The following CCDC57 variants were observed in gnomAD, a reference collection of about 807,000 sequenced individuals.
The protein encoded by CCDC57 is coiled-coil domain-containing protein 57.
CCDC57 carries 118 observed loss-of-function variants against 118.9 expected under a neutral mutation model. That is an observed-to-expected ratio of 0.99 (90% confidence interval 0.86 to 1.16). CCDC57 has a LOEUF of 1.16. Among genes scored for constraint, CCDC57 ranks in the 50% most tolerant of loss-of-function variants. The pLI is 0.00. For missense variants in CCDC57, 1,300 were observed against 1,320.7 expected, an observed-to-expected ratio of 0.98 and a Z score of 0.24; for synonymous variants, 527 against 532.9, an observed-to-expected ratio of 0.99 and a Z score of 0.15.
intron 3 of CCDC57, among the ~76,000 whole-genome samples, chr17:82,200,737 G>A (rs1223236920): frequency 3.9e-5 from 6 of 151,922 alleles, no homozygotes; most frequent in Admixed American, 1.3e-4. Flanking sequence ...AGGTTGCAGC[G>A]AGCCGAGATC....
chr17:82,151,123 A>T (rs1305854900), intron 16 of CCDC57, among the ~76,000 whole-genome samples: 42 of 88,560 alleles, frequency 4.7e-4, no homozygotes, highest in East Asian at 9.3e-4. Context: ...ACCCAGAACC[A>T]GGCGCACACC....
intron 1 of CCDC57, among the ~76,000 whole-genome samples, chr17:82,208,708 A>T (rs950877832): frequency 3.1e-4 from 47 of 151,114 alleles, no homozygotes; most frequent in East Asian, 1.2e-3. Flanking sequence ...TTTTTTTTTT[A>T]AATTTCTTGT....
chr17:82,103,141 A>C (rs978237330), intron 19 of CCDC57, among the ~76,000 whole-genome samples: 1 of 152,038 alleles, frequency 6.6e-6, no homozygotes, highest in Non-Finnish European at 1.5e-5. Flanking sequence ...GCAATGACGC[A>C]CTCTCAGCTG....
At chr17:82,167,380 TGCTCTTGTA>T (rs2044124223) in intron 13 of CCDC57, among the ~76,000 whole-genome samples, 1 of 114,064 alleles carries the variant, frequency 8.8e-6, no homozygotes, top group African/African-American at 3.1e-5. Context: ...GATGGATTTT[TGCTCTTGTA>T]GCCCAGGCTG....
At chr17:82,191,788 C>T (rs1375918148) in intron 7 of CCDC57, among the ~76,000 whole-genome samples, 1 of 152,072 alleles carries the variant, frequency 6.6e-6, no homozygotes, top group Non-Finnish European at 1.5e-5. Flanking sequence ...TGCCTCTACA[C>T]TCCAAGTAGC....
chr17:82,150,983 A>T (rs75332803), intron 16 of CCDC57, among the ~76,000 whole-genome samples: 1 of 44,922 alleles, frequency 2.2e-5, no homozygotes, highest in Non-Finnish European at 4.1e-5. Context: ...AGAACCAGGC[A>T]CACACCCAGA....
At position 82,171,583 on chromosome 17, in the gene CCDC57, C is replaced by T. The variant is rs1008145310; in HGVS notation, c.1882+118G>A. The T allele has an allele frequency of 1.2e-5, 13 of 1,104,588 alleles. No homozygotes were observed. In the African/African-American group the frequency reaches 1.4e-4, roughly 12 times the overall value. The allele number at this position is 1,104,588 out of a possible 1,614,324, so 68.4% of individuals were successfully genotyped here. A position where few individuals can be genotyped will look rare whatever the true frequency, so the allele number is the denominator to read the frequency against. On this transcript the variant is annotated intron_variant, in intron 13 of 19. Transcript: ENST00000665763. ...CACAAGGGGCTGCTGGGCTGGATGA[C>T]GCCGCCCCAACGTCTGCAGTAGCCT...
exon 14 of CCDC57, chr17:82,163,254 C>G (rs762091256): frequency 6.2e-7 from 1 of 1,614,086 alleles, no homozygotes; most frequent in East Asian, 2.2e-5. Context: ...TGTCCCCGAG[C>G]TTCCTGAGTG....
rs2047172279 is a variant in CCDC57 at position 82,187,898 on chromosome 17, TTAC to T, written c.1052+318_1052+320del. On this transcript the variant is annotated intron_variant, in intron 8 of 19. Coordinates refer to ENST00000665763, the Ensembl canonical transcript of CCDC57. ...TCTGGAGATGACAGTGGTGATGGTT[TTAC>T]AACAACGTGAATGTGCCTAATGCCA... Among the ~76,000 whole-genome samples the T allele has an allele frequency of 2.0e-5, 3 of 151,878 alleles. No individual in the cohort carries two copies. In the South Asian group the frequency reaches 6.2e-4, roughly 32 times the overall value.
rs768667771 is a variant in CCDC57 at position 82,163,247 on chromosome 17, C to T, written c.1993G>A (p.Asp665Asn). The T allele has an allele frequency of 1.9e-5, 31 of 1,613,934 alleles. No individual in the cohort carries two copies. The Middle Eastern group carries it at 4.9e-4, about 26-fold the overall frequency. Residue 665 changes from aspartate to asparagine, a missense_variant, in exon 14 of 20, where the codon GAC becomes AAC. Coordinates refer to ENST00000665763, the Ensembl canonical transcript of CCDC57. ...AGCAGGTTTAGGAGCTGCACTCTGTCCCCGAGCTTCCTGAGTGCCAGTCCA... is the reference window on the plus strand; with the variant it reads ...AGCAGGTTTAGGAGCTGCACTCTGTTCCCGAGCTTCCTGAGTGCCAGTCCA...
intron 5 of CCDC57, among the ~76,000 whole-genome samples, chr17:82,195,053 C>T (rs1399651656): frequency 2.0e-5 from 3 of 152,270 alleles, no homozygotes; most frequent in Non-Finnish European, 2.9e-5. Context: ...GGTGAACTGG[C>T]ACCCGGTGCC....
chr17:82,177,495 C>T (rs1403075684), intron 11 of CCDC57, among the ~76,000 whole-genome samples: 1 of 152,120 alleles, frequency 6.6e-6, no homozygotes, highest in Non-Finnish European at 1.5e-5. Context: ...TTGCAGTGAG[C>T]TGAGATTGCA....
At chr17:82,110,015 C>CT (rs1264235322) in intron 19 of CCDC57, among the ~76,000 whole-genome samples, 1 of 149,048 alleles carries the variant, frequency 6.7e-6, no homozygotes, top group African/African-American at 2.5e-5. Flanking sequence ...GAGTCTCACT[C>CT]TGTCACCCAG....
At chr17:82,164,708 A>G (rs1337463842) in intron 13 of CCDC57, among the ~76,000 whole-genome samples, 1 of 152,208 alleles carries the variant, frequency 6.6e-6, no homozygotes, top group Non-Finnish European at 1.5e-5. Flanking sequence ...TTAGTAAAAT[A>G]TAACATCAAA....
chr17:82,178,780 G>T (rs1000853695), intron 10 of CCDC57, among the ~76,000 whole-genome samples, 175 bp from the exon 10 acceptor site: 3 of 152,258 alleles, frequency 2.0e-5, no homozygotes, highest in African/African-American at 7.2e-5. Flanking sequence ...TTGCAGGCCA[G>T]CGGGGATCAT....
chr17:82,203,555 G>A (rs2049243506), intron 2 of CCDC57, among the ~76,000 whole-genome samples: 1 of 152,200 alleles, frequency 6.6e-6, no homozygotes, highest in Admixed American at 6.5e-5. Flanking sequence ...GCTCTCGCCT[G>A]CAATCCCAAC....
chr17:82,158,723 T>C lies in CCDC57; in HGVS notation c.2041-775A>G, dbSNP rs887868551. On this transcript the variant is annotated intron_variant, in intron 14 of 19. Coordinates refer to ENST00000665763, the Ensembl canonical transcript of CCDC57. Reference sequence around the variant, plus strand: ...AAAAAAAAGCTTGTATTAATTTTTATTTATTTACTTATTTTATTCAGACGG... The same window carrying C: ...AAAAAAAAGCTTGTATTAATTTTTACTTATTTACTTATTTTATTCAGACGG... 3.9e-5 allele frequency among the ~76,000 whole-genome samples: 6 copies of C among 152,038 alleles called. No homozygotes were observed. In the South Asian group the frequency reaches 1.0e-3, roughly 26 times the overall value.
intron 19 of CCDC57, chr17:82,127,005 T>G (rs771083051): frequency 1.8e-5 from 18 of 984,980 alleles, no homozygotes; most frequent in Non-Finnish European, 2.2e-5. Flanking sequence ...TCTGTTTCCC[T>G]CCCCCCTTCT....
intron 3 of CCDC57, 115 bp from the exon 3 acceptor site, chr17:82,198,537 G>C (rs2048572024): frequency 1.3e-5 from 9 of 691,880 alleles, no homozygotes; most frequent in South Asian, 1.3e-4. Flanking sequence ...TGAAGGGGTG[G>C]CTTCAGCAGG....
Sources: gnomAD v4.1 joint callset for allele counts (sites outside exome capture counted in the v4.1 genomes callset) on GRCh38, gnomAD v4.1.1 for gene constraint, MANE v1.5 for transcripts, NCBI Gene and HGNC (gene_info 2026-07-23, HGNC 2026-07-21) for gene names.